COL21A1: variants seen among roughly 807,000 people sequenced by gnomAD.
COL21A1 encodes collagen type XXI alpha 1 chain, also known as collagen alpha-1(XXI) chain.
In COL21A1, 149 loss-of-function variants were observed where a neutral mutation model predicts 137.9. That is an observed-to-expected ratio of 1.08 (90% confidence interval 0.95 to 1.24). The LOEUF (loss-of-function observed/expected upper bound fraction) is 1.24. COL21A1 is among the 50% of genes most tolerant of loss of function. The probability of loss-of-function intolerance (pLI) is 0.00; values close to 1 mark genes in which losing one functional copy is unlikely to be tolerated. For missense variants in COL21A1, 1,167 were observed against 1,158.4 expected, an observed-to-expected ratio of 1.01 and a Z score of -0.11; for synonymous variants, 456 against 391.5, an observed-to-expected ratio of 1.16 and a Z score of -1.95.
rs374695362 is a variant in COL21A1 at position 56,170,829 on chromosome 6, T to C, written c.846A>G (p.Val282=). Residue 282 remains valine, a synonymous_variant, in exon 5 of 30, where the codon GTA becomes GTG. Transcript: ENST00000244728. ...CTTTAAATCTTTGAGTAGACACAAA[T>C]ACATATGATGGAGGAAGACCTTCTG... The part of the protein sequence containing the change: ...VFPEGLPPSY[V]FVSTQRFKVK... The C allele has an allele frequency of 4.3e-6, 7 of 1,611,018 alleles. No individual in the cohort carries two copies. The African/African-American group carries it at 8.0e-5, about 18-fold the overall frequency.
Position 56,057,539 on chromosome 6 carries a change from A to G in COL21A1, c.*118T>C. On this transcript the variant is annotated 3_prime_UTR_variant, in exon 30 of 30. Coordinates refer to ENST00000244728, the MANE Select transcript of COL21A1 (RefSeq NM_030820.4). ...TATTTTTTTCCATAAGAAAAAAAAA[A>G]TAAAAACACCGAGGTACTTAAGTTT... 2 of 938,478 alleles carry G rather than the reference A, an allele frequency of 2.1e-6. No homozygotes were observed. Among genetic ancestry groups the G allele is most frequent in the Non-Finnish European group, 3.2e-6 (2 of 620,784 alleles). 58.1% of individuals were successfully genotyped at this position (938,478 alleles called of 1,614,324 possible).
intron 1 of COL21A1, among the ~76,000 whole-genome samples, chr6:56,229,769 G>A (rs1781432928): frequency 6.6e-6 from 1 of 151,812 alleles, no homozygotes; most frequent in Non-Finnish European, 1.5e-5. Flanking sequence ...CAGCTCGTTG[G>A]CCATGAGTAT....
intron 17 of COL21A1, among the ~76,000 whole-genome samples, chr6:56,090,328 G>T (rs1007333951): frequency 1.3e-5 from 2 of 152,166 alleles, no homozygotes; most frequent in Non-Finnish European, 2.9e-5. Flanking sequence ...GTTACTTTAT[G>T]TTATTGTTTG....
intron 9 of COL21A1, among the ~76,000 whole-genome samples, chr6:56,158,206 A>G (rs757071956): frequency 4.7e-5 from 7 of 148,392 alleles, no homozygotes; most frequent in Non-Finnish European, 1.0e-4. Context: ...GGGTGTTCCT[A>G]TATAGATGCA....
intron 3 of COL21A1, among the ~76,000 whole-genome samples, chr6:56,174,752 T>A (rs1777323063): frequency 6.6e-6 from 1 of 152,104 alleles, no homozygotes; most frequent in Admixed American, 6.5e-5. Context: ...TTAATATCTT[T>A]CTTAAGATCT....
intron 2 of COL21A1, among the ~76,000 whole-genome samples, chr6:56,180,657 A>G (rs1777827204): frequency 6.6e-6 from 1 of 152,234 alleles, no homozygotes; most frequent in Non-Finnish European, 1.5e-5. Context: ...TGCAAGTTAC[A>G]TTTGAACAAG....
At chr6:56,177,519 C>A (rs1344972323) in intron 3 of COL21A1, among the ~76,000 whole-genome samples, 2 of 152,078 alleles carry the variant, frequency 1.3e-5, no homozygotes, top group South Asian at 2.1e-4. Flanking sequence ...GCAGACTGGG[C>A]GCGGTGGCTC....
At chr6:56,077,017 A>C (rs1767300320) in intron 18 of COL21A1, among the ~76,000 whole-genome samples, 1 of 151,528 alleles carries the variant, frequency 6.6e-6, no homozygotes, top group Admixed American at 6.6e-5. Context: ...AATGATAATT[A>C]GAATGACAGC....
intron 17 of COL21A1, chr6:56,091,579 C>G (rs958201501): frequency 6.6e-6 from 1 of 152,582 alleles, no homozygotes; most frequent in African/African-American, 2.4e-5. Context: ...GAACCCAGTC[C>G]CTGCCTACAA....
intron 1 of COL21A1, among the ~76,000 whole-genome samples, chr6:56,209,435 A>G (rs547132895): frequency 3.3e-5 from 5 of 152,324 alleles, no homozygotes; most frequent in Admixed American, 1.3e-4. Context: ...ATTTACAAGA[A>G]AAAAATAAGC....
chr6:56,382,361 A>G (rs1416955237), intron 1 of COL21A1, among the ~76,000 whole-genome samples: 1 of 152,212 alleles, frequency 6.6e-6, no homozygotes, highest in African/African-American at 2.4e-5. Context: ...GTTGTTCTTT[A>G]AAGAGGAAAG....
intron 1 of COL21A1, among the ~76,000 whole-genome samples, chr6:56,239,578 G>C (rs529126744): frequency 4.3e-4 from 66 of 151,910 alleles, no homozygotes; most frequent in African/African-American, 1.5e-3. Context: ...TTTTTTTCAA[G>C]TGTTGGAAAG....
At chr6:56,354,060 A>T (rs1397740363) in intron 1 of COL21A1, among the ~76,000 whole-genome samples, 1 of 152,248 alleles carries the variant, frequency 6.6e-6, no homozygotes, top group Admixed American at 6.5e-5. Context: ...CAGAGAATGA[A>T]CTATTGCTAC....
intron 1 of COL21A1, among the ~76,000 whole-genome samples, chr6:56,240,594 T>A (rs1183980063): frequency 1.3e-5 from 2 of 152,228 alleles, no homozygotes; most frequent in African/African-American, 4.8e-5. Context: ...AAACTCTATA[T>A]AGAGATGCTC....
intron 1 of COL21A1, among the ~76,000 whole-genome samples, chr6:56,236,981 C>T (rs560694744): frequency 1.3e-5 from 2 of 152,020 alleles, no homozygotes; most frequent in Admixed American, 6.6e-5. Context: ...TAAAACTTCT[C>T]AACTCCCTAT....
chr6:56,393,376 C>A (rs1285467121), intron 1 of COL21A1, among the ~76,000 whole-genome samples: 1 of 152,070 alleles, frequency 6.6e-6, no homozygotes, highest in African/African-American at 2.4e-5. Context: ...AAATCTAAGA[C>A]CTTGAACTAT....
Position 56,168,238 on chromosome 6 carries a change from A to T in COL21A1, c.1086T>A (p.Thr362=), listed in dbSNP as rs1182277282. The T allele has an allele frequency of 6.4e-7, 1 of 1,573,282 alleles. No individual in the cohort carries two copies. The highest frequency in any genetic ancestry group is 8.6e-7 in the Non-Finnish European group (1 of 1,156,864). Residue 362 remains threonine (T), a synonymous_variant, in exon 6 of 30, where the codon ACT becomes ACA. Transcript: ENST00000244728. The part of the protein sequence containing the change: ...IRLLVTEQDV[T]LYIDDQQIEN... ...CAATTTGTTGGTCATCAATATACAA[A>T]GTCACATCTTGTTCTGTTACTAAGA...
chr6:56,155,878 T>C (rs1174166082), intron 10 of COL21A1, among the ~76,000 whole-genome samples: 2 of 152,214 alleles, frequency 1.3e-5, no homozygotes, highest in African/African-American at 4.8e-5. Context: ...GCTGGGATTA[T>C]AGGCGTGAGC....
chr6:56,249,108 T>C (rs1208702302), upstream of COL21A1, among the ~76,000 whole-genome samples: 1 of 152,078 alleles, frequency 6.6e-6, no homozygotes, highest in Non-Finnish European at 1.5e-5. Flanking sequence ...TAATGGCCAA[T>C]GAGAACATGA....
Sources: allele counts gnomAD v4.1 joint callset (sites outside exome capture counted in the v4.1 genomes callset), GRCh38; gene constraint gnomAD v4.1.1; transcripts MANE v1.5; gene names NCBI Gene and HGNC (gene_info 2026-07-23, HGNC 2026-07-21).